SPATA13: variants seen among roughly 807,000 people sequenced by gnomAD.
The protein encoded by SPATA13 is spermatogenesis associated 13.
Under a neutral mutation model 104.0 loss-of-function variants are expected in SPATA13, and 50 were observed. The observed-to-expected ratio is 0.48, with a 90% CI of 0.38 to 0.61. SPATA13 has a LOEUF of 0.61. Among genes scored for constraint, SPATA13 ranks in the 20% least tolerant of loss-of-function variants. The probability of loss-of-function intolerance (pLI) is 0.00; values close to 1 mark genes in which losing one functional copy is unlikely to be tolerated. For synonymous variants in SPATA13, 606 were observed against 667.5 expected, an observed-to-expected ratio of 0.91 and a Z score of 1.42; for missense variants, 1,524 against 1,690.6, an observed-to-expected ratio of 0.90 and a Z score of 1.73.
intron 3 of SPATA13, among the ~76,000 whole-genome samples, chr13:24,095,305 G>A (rs541063037): frequency 1.3e-5 from 2 of 152,302 alleles, no homozygotes; most frequent in African/African-American, 4.8e-5. Flanking sequence ...AGTGAAATAA[G>A]CCAGTCACAA....
chr13:24,270,989 T>TCC (rs1238369790), intron 4 of SPATA13: 3 of 1,010,180 alleles, frequency 3.0e-6, no homozygotes, highest in Admixed American at 1.8e-5. Context: ...TTGCAGTTCT[T>TCC]CCCCTCTCTC....
intron 3 of SPATA13, among the ~76,000 whole-genome samples, chr13:24,103,502 A>C (rs1230272443): frequency 6.7e-6 from 1 of 148,454 alleles, no homozygotes; most frequent in African/African-American, 2.5e-5. Flanking sequence ...AAAAAAAAAA[A>C]CAAGAAAGAA....
At chr13:24,210,192 G>T (rs1237931477) in intron 1 of SPATA13, among the ~76,000 whole-genome samples, 1 of 152,058 alleles carries the variant, frequency 6.6e-6, no homozygotes, top group Non-Finnish European at 1.5e-5. Context: ...TCCTTTACTT[G>T]TTATATGACT....
At chr13:24,112,090 T>C (rs1437347038) in intron 3 of SPATA13, among the ~76,000 whole-genome samples, 1 of 152,222 alleles carries the variant, frequency 6.6e-6, no homozygotes, top group African/African-American at 2.4e-5. Context: ...TCTTCTCTAG[T>C]TGGCCCACAG....
At chr13:24,019,097 T>TTTC (rs1489589353) in intron 3 of SPATA13, among the ~76,000 whole-genome samples, 1 of 149,422 alleles carries the variant, frequency 6.7e-6, no homozygotes, top group African/African-American at 2.4e-5. Context: ...ATTATTATTT[T>TTTC]TTTTTTTTTG....
intron 3 of SPATA13, among the ~76,000 whole-genome samples, chr13:24,129,274 T>A (rs573032522): frequency 6.6e-6 from 1 of 152,336 alleles, no homozygotes; most frequent in South Asian, 2.1e-4. Context: ...GAGTACAGCG[T>A]CTGTCCCATG....
chr13:24,120,453 T>C (rs1880998697), intron 3 of SPATA13, among the ~76,000 whole-genome samples: 1 of 152,294 alleles, frequency 6.6e-6, no homozygotes, highest in East Asian at 1.9e-4. Context: ...AGGAGTTAAG[T>C]AAAAGGAGTT....
intron 3 of SPATA13, among the ~76,000 whole-genome samples, chr13:24,100,920 T>C (rs1479878327): frequency 6.6e-6 from 1 of 152,230 alleles, no homozygotes; most frequent in Non-Finnish European, 1.5e-5. Context: ...TCTCTTGATA[T>C]AAATCTTCAC....
intron 1 of SPATA13, among the ~76,000 whole-genome samples, chr13:24,200,378 T>C (rs1475622533): frequency 1.3e-5 from 2 of 152,140 alleles, no homozygotes; most frequent in Non-Finnish European, 2.9e-5. Context: ...TTAGCTGTTT[T>C]ATTAAATACT....
chr13:24,099,381 C>G (rs1880184045), intron 3 of SPATA13, among the ~76,000 whole-genome samples: 1 of 152,190 alleles, frequency 6.6e-6, no homozygotes, highest in Non-Finnish European at 1.5e-5. Flanking sequence ...CACTGGCCAC[C>G]TAAAGTTTAA....
intron 3 of SPATA13, among the ~76,000 whole-genome samples, chr13:24,083,589 A>T (rs965043669): frequency 1.3e-5 from 2 of 152,108 alleles, no homozygotes; most frequent in African/African-American, 2.4e-5. Context: ...CTCCTCCATC[A>T]TTTGCTCAGA....
chr13:24,251,616 C>T (rs17080537), intron 3 of SPATA13, 102 bp from the exon 4 acceptor site: 27,942 of 1,529,254 alleles, frequency 0.018, 316 homozygotes, highest in Middle Eastern at 0.036. Context: ...AACCATTTCA[C>T]GTCTGTGAGT....
At chr13:24,063,923 C>A (rs1878862738) in intron 3 of SPATA13, among the ~76,000 whole-genome samples, 1 of 152,132 alleles carries the variant, frequency 6.6e-6, no homozygotes, top group South Asian at 2.1e-4. Context: ...GACCTGAGGT[C>A]TTCGTTCCCT....
chr13:24,173,362 TTGTGTGTGTGTGTGTGTG>T (rs60850610), intron 1 of SPATA13, among the ~76,000 whole-genome samples: 346 of 146,830 alleles, frequency 2.4e-3, no homozygotes, highest in Admixed American at 4.1e-3. Flanking sequence ...TAGTTCTTAG[TTGTGTGTGTGTGTGTGTG>T]TGTGTGTGTG....
chr13:24,224,085 A>T lies in SPATA13; in HGVS notation c.1156A>T (p.Thr386Ser). ...GGAVMHGTTA[T>S]CTVAPGFGSA... The stretch of plus-strand genomic sequence containing the variant: ...GGCGGTCATGCATGGGACCACTGCA[A>T]CCTGCACCGTGGCCCCCGGTTTCGG... The change falls in exon 2 of 13, where the codon ACC (threonine) becomes TCC (serine). Residue 386 changes from threonine (T) to serine (S), a missense_variant. By Grantham distance (58) the Thr-to-Ser change is moderately conservative (BLOSUM62 1). This residue lies in a region of SPATA13 where 1,089 missense variants were observed against 1,135.9 expected (regional missense o/e 0.96). Transcript: ENST00000382108. The T allele has an allele frequency of 1.3e-6, 2 of 1,551,228 alleles. No homozygotes were observed. Among genetic ancestry groups the T allele is most frequent in the African/African-American group, 2.7e-5 (2 of 73,166 alleles).
At chr13:24,036,136 A>G (rs868850903) in intron 3 of SPATA13, among the ~76,000 whole-genome samples, 6 of 152,232 alleles carry the variant, frequency 3.9e-5, no homozygotes, top group African/African-American at 1.4e-4. Flanking sequence ...AAGTTTCAAA[A>G]ATACATATTC....
At chr13:24,278,493 G>T in intron 4 of SPATA13, 1 of 525,686 alleles carries the variant, frequency 1.9e-6, no homozygotes, top group Non-Finnish European at 3.1e-6. Flanking sequence ...GCCCAGCTTG[G>T]TCCCAAACTC....
At chr13:24,149,215 C>G (rs1882025886) in intron 3 of SPATA13, among the ~76,000 whole-genome samples, 1 of 152,192 alleles carries the variant, frequency 6.6e-6, no homozygotes, top group African/African-American at 2.4e-5. Flanking sequence ...TGGGCTTTAT[C>G]TCATTAGTGA....
chr13:24,082,179 T>C (rs1879542224), intron 3 of SPATA13, among the ~76,000 whole-genome samples: 1 of 152,180 alleles, frequency 6.6e-6, no homozygotes. Context: ...CCAAAATACA[T>C]CTTTGCAAGG....
Sources: gnomAD v4.1 joint callset for allele counts (sites outside exome capture counted in the v4.1 genomes callset) on GRCh38, gnomAD v4.1.1 for gene constraint, gnomAD v4.1.1 regional missense constraint, MANE v1.5 for transcripts, NCBI Gene and HGNC (gene_info 2026-07-23, HGNC 2026-07-21) for gene names.